TEX26: variants seen among roughly 807,000 people sequenced by gnomAD.
The protein encoded by TEX26 is testis-expressed protein 26.
Under a neutral mutation model 35.3 loss-of-function variants are expected in TEX26, and 34 were observed. The observed-to-expected ratio is 0.96, with a 90% CI of 0.73 to 1.28. TEX26 has a LOEUF of 1.28. Among genes scored for constraint, TEX26 ranks in the 50% most tolerant of loss-of-function variants. The pLI, the probability that TEX26 is intolerant of heterozygous loss-of-function variation, is 0.00. For synonymous variants in TEX26, 136 were observed against 111.8 expected (o/e 1.22, Z -1.36); for missense variants, 371 against 330.1 (o/e 1.12, Z -0.96).
chr13:30,952,235 C>T (rs1252197616), intron 2 of TEX26, among the ~76,000 whole-genome samples: 1 of 151,672 alleles, frequency 6.6e-6, no homozygotes, highest in East Asian at 1.9e-4. Context: ...CATTGCTGGC[C>T]ATTGCCTAGA....
intron 6 of TEX26, among the ~76,000 whole-genome samples, chr13:30,974,131 AATAT>A (rs1555271791): frequency 2.4e-5 from 2 of 84,430 alleles, no homozygotes; most frequent in South Asian, 4.7e-4. Context: ...AAAAAAAAAA[AATAT>A]ATATATATAT....
At chr13:30,954,003 G>C (rs747017588) in intron 3 of TEX26, among the ~76,000 whole-genome samples, 1 of 152,158 alleles carries the variant, frequency 6.6e-6, no homozygotes, top group Non-Finnish European at 1.5e-5. Context: ...TGCAGATTCT[G>C]TTTACTCAGC....
chr13:30,952,735 T>C lies in TEX26; in HGVS notation c.222T>C (p.Asp74=). 3.7e-6 allele frequency: 6 copies of C among 1,612,942 alleles called. No homozygotes were observed. The highest frequency in any genetic ancestry group is 5.1e-6 in the Non-Finnish European group (6 of 1,179,342). The change falls in exon 3 of 7, where the codon GAT becomes GAC. Residue 74 remains aspartate (D), a synonymous_variant. Transcript: ENST00000380473. The part of the protein sequence containing the change: ...DPILNQTQYS[D]EYTWKSHSKE... ...TTCTCAATCAGACACAATATAGTGA[T>C]GAGTACACTTGGAAATCACACTCTA...
At chr13:30,932,870 G>A in intron 1 of TEX26, 94 bp downstream of exon 1, 1 of 1,397,900 alleles carries the variant, frequency 7.2e-7, no homozygotes, top group Admixed American at 2.1e-5. Flanking sequence ...AGTATTTAAG[G>A]GTGTGGCATC....
At chr13:30,963,746 T>G (rs1228814560) in intron 4 of TEX26, among the ~76,000 whole-genome samples, 2 of 152,222 alleles carry the variant, frequency 1.3e-5, no homozygotes, top group Non-Finnish European at 2.9e-5. Context: ...TTTTCCCAGG[T>G]GATTCTGATG....
At chr13:30,945,821 G>A (rs1953686976) in intron 2 of TEX26, among the ~76,000 whole-genome samples, 1 of 151,706 alleles carries the variant, frequency 6.6e-6, no homozygotes, top group Admixed American at 6.6e-5. Context: ...TAGTCTGATA[G>A]GTTTTTTTGT....
rs1954526134 is a variant in TEX26 at position 30,966,338 on chromosome 13, C to T, written c.586C>T (p.Gln196Ter). 1.2e-6 allele frequency: 2 copies of T among 1,612,132 alleles called. No individual in the cohort carries two copies. The highest frequency in any genetic ancestry group is 3.3e-5 in the Admixed American group (2 of 59,950). Residue 196 changes from glutamine (Q) to a stop codon, truncating the protein, a stop_gained, in exon 5 of 7, where the codon CAA (glutamine) becomes TAA (stop). Transcript: ENST00000380473. LOFTEE classifies it high-confidence loss of function. ...AATTCCAGCTAAAATTCCTGAGCTT[C>T]AAGATTTCAGTTTCAAATATGGATG... Reference protein sequence around the residue: ...YQIPAKIPELQDFSFKYGCYS... With the variant: ...YQIPAKIPEL
intron 6 of TEX26, among the ~76,000 whole-genome samples, chr13:30,973,053 C>T (rs887134127): frequency 2.6e-5 from 4 of 152,222 alleles, no homozygotes; most frequent in African/African-American, 9.6e-5. Context: ...AGAAAGAAAA[C>T]CATATATCCA....
intron 3 of TEX26, among the ~76,000 whole-genome samples, chr13:30,954,645 A>G (rs952821465): frequency 6.6e-6 from 1 of 151,908 alleles, no homozygotes; most frequent in Non-Finnish European, 1.5e-5. Context: ...TTTTGTAGAG[A>G]TAGAATCTCA....
chr13:30,963,617 T>G (rs559588945), intron 4 of TEX26, among the ~76,000 whole-genome samples: 1 of 152,342 alleles, frequency 6.6e-6, no homozygotes, highest in African/African-American at 2.4e-5. Context: ...AGCAGTTATG[T>G]TTCCAGGTTT....
chr13:30,960,297 C>A (rs1954287411), intron 4 of TEX26, among the ~76,000 whole-genome samples: 2 of 152,126 alleles, frequency 1.3e-5, no homozygotes, highest in African/African-American at 4.8e-5. Flanking sequence ...GGCTGGAGTG[C>A]AGTTGTGTGA....
chr13:30,945,323 G>T (rs1953665926), intron 2 of TEX26, among the ~76,000 whole-genome samples: 2 of 151,196 alleles, frequency 1.3e-5, no homozygotes, highest in African/African-American at 4.9e-5. Flanking sequence ...CTTTTTCCTT[G>T]GGTTTATATG....
chr13:30,943,018 C>G (rs904712557), intron 2 of TEX26, among the ~76,000 whole-genome samples: 1 of 151,990 alleles, frequency 6.6e-6, no homozygotes, highest in African/African-American at 2.4e-5. Flanking sequence ...TTTTCTAATT[C>G]TGTGAAAAAT....
intron 1 of TEX26, chr13:30,936,888 T>A: frequency 1.0e-6 from 1 of 985,422 alleles, no homozygotes; most frequent in South Asian, 4.7e-5. Context: ...ATATTGTGAT[T>A]ACAGATTTCT....
chr13:30,934,107 T>G (rs1321010316), intron 1 of TEX26, among the ~76,000 whole-genome samples: 1 of 152,208 alleles, frequency 6.6e-6, no homozygotes, highest in African/African-American at 2.4e-5. Context: ...CTTCCAGACT[T>G]TGAGAGTTCA....
chr13:30,952,863 G>T lies in TEX26; in HGVS notation c.312+38G>T, dbSNP rs773964568. 3.7e-5 allele frequency: 57 copies of T among 1,546,608 alleles called. No individual in the cohort carries two copies. In the Admixed American group the frequency reaches 8.0e-4, roughly 22 times the overall value. On this transcript the variant is annotated intron_variant, in intron 3 of 6. Coordinates refer to ENST00000380473, the MANE Select transcript of TEX26 (RefSeq NM_152325.3). ...CTACATATGTGTTGAATTTAATACT[G>T]TACTGTATCAACAACTCATAAGAAT...
chr13:30,955,893 G>A (rs975253532), intron 3 of TEX26, among the ~76,000 whole-genome samples: 6 of 152,156 alleles, frequency 3.9e-5, no homozygotes, highest in African/African-American at 1.4e-4. Context: ...GTGGGCTGTG[G>A]AGGTTATTTT....
At chr13:30,963,787 A>G (rs914080154) in intron 4 of TEX26, among the ~76,000 whole-genome samples, 3 of 152,130 alleles carry the variant, frequency 2.0e-5, no homozygotes, top group Non-Finnish European at 4.4e-5. Flanking sequence ...TACAGTCCCA[A>G]GTGTTATGGT....
At chr13:30,963,337 C>T (rs1954418510) in intron 4 of TEX26, among the ~76,000 whole-genome samples, 1 of 152,168 alleles carries the variant, frequency 6.6e-6, no homozygotes, top group Admixed American at 6.5e-5. Context: ...TTAGCTCTAA[C>T]TCATGGTTAT....
Sources: allele counts gnomAD v4.1 joint callset (sites outside exome capture counted in the v4.1 genomes callset), GRCh38; gene constraint gnomAD v4.1.1; transcripts MANE v1.5; gene names NCBI Gene and HGNC (gene_info 2026-07-23, HGNC 2026-07-21).